ASIC2: variants seen among roughly 807,000 people sequenced by gnomAD.
The protein encoded by ASIC2 is acid-sensing ion channel 2.
In ASIC2, 25 loss-of-function variants were observed where a neutral mutation model predicts 57.3. The ratio of observed to expected loss-of-function variants is 0.44; its 90% CI spans 0.32 to 0.61. ASIC2 has a LOEUF of 0.61. Ranked by LOEUF, ASIC2 falls within the 20% of genes least tolerant of loss-of-function variation. ASIC2 has a pLI of 0.06. For synonymous variants in ASIC2, 319 were observed against 307.5 expected, an observed-to-expected ratio of 1.04 and a Z score of -0.39; for missense variants, 641 against 738.1, an observed-to-expected ratio of 0.87 and a Z score of 1.52.
At chr17:33,217,901 G>C (rs1004344044) in intron 1 of ASIC2, among the ~76,000 whole-genome samples, 3 of 152,204 alleles carry the variant, frequency 2.0e-5, no homozygotes, top group African/African-American at 7.2e-5. Flanking sequence ...GGTGTGCTAA[G>C]TAGCAGCTCC....
At chr17:33,446,312 A>G (rs1246320321) in intron 1 of ASIC2, among the ~76,000 whole-genome samples, 2 of 152,182 alleles carry the variant, frequency 1.3e-5, no homozygotes, top group Admixed American at 6.5e-5. Context: ...CCCTGTTACA[A>G]TAGCAGGGAT....
intron 1 of ASIC2, among the ~76,000 whole-genome samples, chr17:33,184,186 G>A (rs72819134): frequency 6.6e-6 from 1 of 152,210 alleles, no homozygotes; most frequent in Non-Finnish European, 1.5e-5. Context: ...GGCTATTTAG[G>A]GACTCAGATG....
At chr17:34,137,290 T>A (rs1326863819) in intron 1 of ASIC2, among the ~76,000 whole-genome samples, 1 of 152,214 alleles carries the variant, frequency 6.6e-6, no homozygotes, top group Non-Finnish European at 1.5e-5. Flanking sequence ...ATGGTAGACA[T>A]GTGATTGATC....
intron 1 of ASIC2, among the ~76,000 whole-genome samples, chr17:33,910,985 G>A (rs1915449861): frequency 1.3e-5 from 2 of 152,192 alleles, no homozygotes; most frequent in Non-Finnish European, 2.9e-5. Flanking sequence ...CCAGCCTAGC[G>A]AAGGGCAAGT....
intron 1 of ASIC2, among the ~76,000 whole-genome samples, chr17:33,413,855 G>C (rs1034573603): frequency 6.6e-6 from 1 of 152,212 alleles, no homozygotes; most frequent in Non-Finnish European, 1.5e-5. Flanking sequence ...CACTGGCCCG[G>C]GTTATTTTAG....
At chr17:33,924,016 C>A (rs1915769383) in intron 1 of ASIC2, among the ~76,000 whole-genome samples, 1 of 152,244 alleles carries the variant, frequency 6.6e-6, no homozygotes, top group Non-Finnish European at 1.5e-5. Context: ...TGATCTTCAG[C>A]AGGTCTGAAT....
intron 1 of ASIC2, among the ~76,000 whole-genome samples, chr17:33,888,089 A>G (rs1005316031): frequency 6.6e-6 from 1 of 152,150 alleles, no homozygotes; most frequent in Non-Finnish European, 1.5e-5. Context: ...TTTTACTTAC[A>G]ATATTTTTGA....
intron 1 of ASIC2, among the ~76,000 whole-genome samples, chr17:34,127,472 C>T (rs1055253258): frequency 2.6e-5 from 4 of 152,222 alleles, no homozygotes; most frequent in Non-Finnish European, 4.4e-5. Context: ...GCCAGAGTTT[C>T]AATTTAGTTG....
At chr17:33,528,725 C>T (rs1310820971) in intron 1 of ASIC2, among the ~76,000 whole-genome samples, 2 of 152,202 alleles carry the variant, frequency 1.3e-5, no homozygotes, top group South Asian at 2.1e-4. Context: ...TACATCTAGC[C>T]AAGTTGCAGC....
At chr17:33,756,224 G>A (rs1034683967) in intron 1 of ASIC2, among the ~76,000 whole-genome samples, 5 of 152,326 alleles carry the variant, frequency 3.3e-5, no homozygotes, top group East Asian at 3.9e-4. Context: ...CCTTTGGACT[G>A]CTGACCACTG....
chr17:33,412,060 A>C (rs556771988), intron 1 of ASIC2, among the ~76,000 whole-genome samples: 1 of 125,798 alleles, frequency 7.9e-6, no homozygotes, highest in East Asian at 2.1e-4. Context: ...CCAAAAACAC[A>C]CAAAAAACAA....
chr17:33,620,240 G>GAA (rs35560840), intron 1 of ASIC2, among the ~76,000 whole-genome samples: 2,642 of 74,838 alleles, frequency 0.035, 97 homozygotes, highest in African/African-American at 0.086. Flanking sequence ...AGAGGAAAAT[G>GAA]AAAAAAAAAA....
At chr17:33,509,835 G>A (rs1240726163) in intron 1 of ASIC2, among the ~76,000 whole-genome samples, 9 of 152,214 alleles carry the variant, frequency 5.9e-5, no homozygotes, top group Non-Finnish European at 1.2e-4. Context: ...GCTAGACTGG[G>A]AGCCAGGAGG....
intron 1 of ASIC2, among the ~76,000 whole-genome samples, chr17:33,740,278 A>G (rs887973346): frequency 6.6e-6 from 1 of 152,254 alleles, no homozygotes; most frequent in Non-Finnish European, 1.5e-5. Context: ...ACTGCTATAA[A>G]GGACTGCCAG....
At chr17:33,252,095 C>T (rs1176837462) in intron 1 of ASIC2, among the ~76,000 whole-genome samples, 4 of 152,170 alleles carry the variant, frequency 2.6e-5, no homozygotes, top group Non-Finnish European at 5.9e-5. Context: ...TGGGGTCTTG[C>T]TATTCCCTCC....
rs149717415 is a variant in ASIC2, at chr17:34,052,453, G to A, written c.555+103525C>T. ...GTTCATGGCAAGTGGGAGTCTACAC[G>A]GAGAATGGCGACGATTACTTTGGAC... On this transcript the variant is annotated intron_variant, in intron 1 of 9. Transcript: ENST00000359872. Among the ~76,000 whole-genome samples, 23 of 152,206 alleles carry A rather than the reference G, an allele frequency of 1.5e-4. No homozygotes were observed. The South Asian group carries it at 2.1e-3, about 14-fold the overall frequency.
chr17:33,758,702 A>G (rs1406623166), intron 1 of ASIC2, among the ~76,000 whole-genome samples: 1 of 152,124 alleles, frequency 6.6e-6, no homozygotes, highest in Non-Finnish European at 1.5e-5. Context: ...ATCCTGAGCT[A>G]GAACATTAGC....
intron 1 of ASIC2, among the ~76,000 whole-genome samples, chr17:33,945,864 A>G (rs1254107603): frequency 1.3e-5 from 2 of 152,212 alleles, no homozygotes; most frequent in Non-Finnish European, 2.9e-5. Context: ...TGATAAGTGG[A>G]ATTCATGCCC....
intron 1 of ASIC2, among the ~76,000 whole-genome samples, chr17:33,748,661 C>T (rs1567705278): frequency 6.6e-6 from 1 of 152,144 alleles, no homozygotes; most frequent in South Asian, 2.1e-4. Context: ...ATTCCTTCCA[C>T]CTCCCACCTT....
Sources: allele counts gnomAD v4.1 joint callset (sites outside exome capture counted in the v4.1 genomes callset), GRCh38; gene constraint gnomAD v4.1.1; transcripts MANE v1.5; gene names NCBI Gene and HGNC (gene_info 2026-07-23, HGNC 2026-07-21).